Variants in MAP3K5 observed in about 807,000 individuals in gnomAD.
The protein encoded by MAP3K5 is ASK-1.
Under a neutral mutation model 158.7 loss-of-function variants are expected in MAP3K5, and 56 were observed. That is an observed-to-expected ratio of 0.35 (90% CI 0.28 to 0.44). The LOEUF (loss-of-function observed/expected upper bound fraction) is 0.44. Ranked by LOEUF, MAP3K5 falls within the 20% of genes least tolerant of loss-of-function variation. The probability of loss-of-function intolerance (pLI) is 1.00; values close to 1 mark genes in which losing one functional copy is unlikely to be tolerated. For synonymous variants in MAP3K5, 579 were observed against 601.7 expected, an observed-to-expected ratio of 0.96 and a Z score of 0.55; for missense variants, 1,294 against 1,674.8, an observed-to-expected ratio of 0.77 and a Z score of 3.97.
At chr6:136,601,103 G>GA (rs1775855643) in intron 20 of MAP3K5, 61 bp from the exon 21 acceptor site, 1 of 1,546,570 alleles carries the variant, frequency 6.5e-7, no homozygotes, top group South Asian at 1.1e-5. Flanking sequence ...GTTAAACTGA[G>GA]AAATCAACAA....
intron 14 of MAP3K5, chr6:136,636,711 G>A: frequency 2.0e-6 from 1 of 495,048 alleles, no homozygotes; most frequent in Non-Finnish European, 2.6e-6. Context: ...GGGAGGCCGA[G>A]GTGGGAGGAT....
Position 136,705,296 on chromosome 6 carries a change from A to G in MAP3K5, c.589-163T>C, listed in dbSNP as rs556674727. Among the ~76,000 whole-genome samples the G allele has an allele frequency of 1.6e-4, 25 of 152,218 alleles. 1 individual carries two copies. The East Asian group carries it at 4.6e-3, about 28-fold the overall frequency. Reference sequence around the variant, plus strand: ...CCTGCATCTGAAAAGTTTTCTATCTATCTACCTACTTATTTTAGAGAAAAG... The same window carrying G: ...CCTGCATCTGAAAAGTTTTCTATCTGTCTACCTACTTATTTTAGAGAAAAG... On this transcript the variant is annotated intron_variant, in intron 2 of 29. Transcript: ENST00000359015.
intron 1 of MAP3K5, among the ~76,000 whole-genome samples, chr6:136,750,431 G>A (rs1783155007): frequency 6.6e-6 from 1 of 152,124 alleles, no homozygotes; most frequent in Admixed American, 6.5e-5. Flanking sequence ...AACATTTCCT[G>A]CAGATCTCTA....
In MAP3K5 at chr6:136,597,534, T is replaced by G. The variant is rs143979890; in HGVS notation, c.2878+3488A>C. Among the ~76,000 whole-genome samples, 3 of 152,282 alleles carry G rather than the reference T, an allele frequency of 2.0e-5. 1 individual carries two copies. The East Asian group carries it at 5.8e-4, about 29-fold the overall frequency. ...AGTCTCCAACTGGCCAAACATAGAA[T>G]AGTGGTTCTCACACTGCAGTGATGA... On this transcript the variant is annotated intron_variant, in intron 21 of 29. Coordinates refer to ENST00000359015, the MANE Select transcript of MAP3K5 (RefSeq NM_005923.4).
intron 7 of MAP3K5, among the ~76,000 whole-genome samples, chr6:136,671,669 A>G (rs567514178): frequency 6.6e-6 from 1 of 152,320 alleles, no homozygotes; most frequent in East Asian, 1.9e-4. Context: ...GCTGGAGCGC[A>G]GTGACACGAT....
At chr6:136,626,695 T>C (rs759733335) in intron 14 of MAP3K5, among the ~76,000 whole-genome samples, 2 of 152,140 alleles carry the variant, frequency 1.3e-5, no homozygotes, top group African/African-American at 2.4e-5. Flanking sequence ...ACTTTGCCGA[T>C]GTGCCCTCTC....
Position 136,622,907 on chromosome 6 carries a change from A to T in MAP3K5, c.2091T>A (p.Gly697=). Residue 697 remains glycine (G), a synonymous_variant, in exon 15 of 30, where the codon GGT becomes GGA. Transcript: ENST00000359015. The stretch of plus-strand genomic sequence containing the variant: ...TTCTGACTTGGTTGCTCAAGTCCCG[A>T]CCTGCGTAGACTATCCCATAAGTGC... ...GKGTYGIVYA[G]RDLSNQVRIA... The T allele has an allele frequency of 6.2e-7, 1 of 1,609,758 alleles. No individual in the cohort carries two copies. The highest frequency in any genetic ancestry group is 1.7e-4 in the Middle Eastern group (1 of 6,030).
intron 5 of MAP3K5, among the ~76,000 whole-genome samples, chr6:136,696,795 C>T (rs547922862): frequency 4.6e-5 from 7 of 152,146 alleles, no homozygotes; most frequent in African/African-American, 1.2e-4. Flanking sequence ...TTCCTTCAGG[C>T]GAGTTAGATT....
At chr6:136,602,128 G>A in intron 19 of MAP3K5, 149 bp from the exon 20 acceptor site, 1 of 645,334 alleles carries the variant, frequency 1.5e-6, no homozygotes. Flanking sequence ...GAGATAAGAT[G>A]TGTTTGCTGC....
Position 136,592,799 on chromosome 6 carries a change from G to T in MAP3K5, c.2879-185C>A, listed in dbSNP as rs376588183. On this transcript the variant is annotated intron_variant, in intron 21 of 29. Transcript: ENST00000359015. ...TCCCTTGCTCAGCATAACCCATACAGCAGGGTAGCCAGGAAAGGGCCTCCC... is the reference window on the plus strand; with the variant it reads ...TCCCTTGCTCAGCATAACCCATACATCAGGGTAGCCAGGAAAGGGCCTCCC... The T allele has an allele frequency of 1.2e-5, 8 of 674,682 alleles. No individual in the cohort carries two copies. The African/African-American group carries it at 1.4e-4, about 12-fold the overall frequency. The allele number at this position is 674,682 out of a possible 1,614,324, so 41.8% of individuals were successfully genotyped here.
intron 7 of MAP3K5, among the ~76,000 whole-genome samples, chr6:136,689,437 A>G (rs1780293451): frequency 6.6e-6 from 1 of 152,186 alleles, no homozygotes; most frequent in Non-Finnish European, 1.5e-5. Context: ...ACTGTCCCCA[A>G]GTGTTTCTCC....
rs371269993 is a variant in MAP3K5, at chr6:136,784,283, T to C, written c.448+7427A>G. ...GCAGCTGATGATGTGGGGTAAGAAA[T>C]TGGTACTCTAAAAACTAATTTTGTG... On this transcript the variant is annotated intron_variant, in intron 1 of 29. Coordinates refer to ENST00000359015, the MANE Select transcript of MAP3K5 (RefSeq NM_005923.4). 1.4e-4 allele frequency among the ~76,000 whole-genome samples: 22 copies of C among 152,272 alleles called. No homozygotes were observed. The South Asian group carries it at 3.9e-3, about 27-fold the overall frequency.
chr6:136,664,443 C>A (rs1042038281), intron 8 of MAP3K5, among the ~76,000 whole-genome samples: 4 of 152,076 alleles, frequency 2.6e-5, no homozygotes, highest in African/African-American at 9.7e-5. Flanking sequence ...CTGAACCACC[C>A]CCCACCCCTG....
intron 8 of MAP3K5, among the ~76,000 whole-genome samples, chr6:136,663,770 C>T (rs923171090): frequency 3.3e-5 from 5 of 151,958 alleles, no homozygotes; most frequent in East Asian, 1.9e-4. Flanking sequence ...CCACCACGCC[C>T]GGCTAATTTT....
At chr6:136,633,555 C>T (rs1363959492) in intron 14 of MAP3K5, among the ~76,000 whole-genome samples, 2 of 151,958 alleles carry the variant, frequency 1.3e-5, no homozygotes, top group African/African-American at 4.8e-5. Flanking sequence ...GCCCAAGGCT[C>T]CTGACCCCAG....
At chr6:136,673,141 T>A (rs1779557532) in intron 7 of MAP3K5, among the ~76,000 whole-genome samples, 1 of 152,146 alleles carries the variant, frequency 6.6e-6, no homozygotes, top group Non-Finnish European at 1.5e-5. Flanking sequence ...GCCTATCAAT[T>A]AAAAGTTCAA....
chr6:136,630,677 T>C (rs1405663867), intron 14 of MAP3K5, among the ~76,000 whole-genome samples: 1 of 152,242 alleles, frequency 6.6e-6, no homozygotes, highest in Non-Finnish European at 1.5e-5. Flanking sequence ...ATCAAAACTT[T>C]CTGTTCCTCA....
intron 1 of MAP3K5, among the ~76,000 whole-genome samples, chr6:136,766,839 A>T (rs1481275699): frequency 1.3e-5 from 2 of 152,218 alleles, no homozygotes; most frequent in Non-Finnish European, 2.9e-5. Flanking sequence ...TGAACTAGTA[A>T]GCATATTACA....
chr6:136,666,474 G>A (rs1779235741), intron 8 of MAP3K5, among the ~76,000 whole-genome samples: 1 of 152,156 alleles, frequency 6.6e-6, no homozygotes, highest in African/African-American at 2.4e-5. Flanking sequence ...TGTTTGCAGA[G>A]GCCAACAGGA....
Sources: allele counts gnomAD v4.1 joint callset (sites outside exome capture counted in the v4.1 genomes callset), GRCh38; gene constraint gnomAD v4.1.1; transcripts MANE v1.5; gene names NCBI Gene and HGNC (gene_info 2026-07-23, HGNC 2026-07-21).